Variants in KIRREL3 observed in about 807,000 individuals in gnomAD.
KIRREL3 encodes kin of IRRE-like protein 3.
KIRREL3 carries 36 observed loss-of-function variants against 89.7 expected under a neutral mutation model. The ratio of observed to expected loss-of-function variants is 0.40; its 90% CI spans 0.31 to 0.53. The LOEUF is 0.53. KIRREL3 is among the 20% of genes least tolerant of loss of function. KIRREL3 has a pLI of 0.49. For synonymous variants in KIRREL3, 445 were observed against 441.4 expected, an observed-to-expected ratio of 1.01 and a Z score of -0.10; for missense variants, 864 against 1,056.6, an observed-to-expected ratio of 0.82 and a Z score of 2.53.
chr11:126,437,023 CAG>C lies in KIRREL3; in HGVS notation c.1354-16_1354-15del, dbSNP rs779296981. On this transcript the variant is annotated splice_polypyrimidine_tract_variant and intron_variant, in intron 11 of 16. Coordinates refer to ENST00000525144, the MANE Select transcript of KIRREL3 (RefSeq NM_032531.4). ...CCAGGACCAGGCCTGCCCGGGGGCG[CAG>C]AATCAGGAGGAGACCCCACCAGAGG... 15 of 1,509,642 alleles carry C rather than the reference CAG, an allele frequency of 9.9e-6. No homozygotes were observed. The highest frequency in any genetic ancestry group is 1.3e-5 in the Non-Finnish European group (15 of 1,121,662). 93.5% of individuals were successfully genotyped at this position (1,509,642 alleles called of 1,614,324 possible). A position where few individuals can be genotyped will look rare whatever the true frequency, so the allele number is the denominator to read the frequency against.
rs1958828224 is a variant in KIRREL3, at chr11:126,528,355, C to T, written c.134-1668G>A. Among the ~76,000 whole-genome samples the T allele has an allele frequency of 1.3e-5, 2 of 152,184 alleles. No homozygotes were observed. Among genetic ancestry groups the T allele is most frequent in the Non-Finnish European group, 2.9e-5 (2 of 68,030 alleles). On this transcript the variant is annotated intron_variant, in intron 2 of 16. Transcript: ENST00000525144. This position sits in a 1 kb window ranked among gnomAD's most constrained non-coding sequence, Gnocchi z 4.6. The stretch of plus-strand genomic sequence containing the variant: ...CTGAGCTCTCAGCAACAGATGACCC[C>T]AAGAGGGAGACACTTGGTGTGTATC...
intron 1 of KIRREL3, among the ~76,000 whole-genome samples, chr11:126,975,938 C>CCCTCCCTCCCTCCCTTCCTT (rs767405296): frequency 4.8e-5 from 5 of 104,366 alleles, no homozygotes; most frequent in East Asian, 6.8e-4. Flanking sequence ...CTCCCTCCCT[C>CCCTCCCTCCCTCCCTTCCTT]CCTTCCTTCC....
intron 1 of KIRREL3, among the ~76,000 whole-genome samples, chr11:126,760,924 T>C (rs1019989914): frequency 4.6e-5 from 7 of 152,242 alleles, no homozygotes; most frequent in African/African-American, 1.2e-4. Flanking sequence ...TTACCATTAA[T>C]GGAGGGTAAT....
rs1229029333 is a variant in KIRREL3, at chr11:126,568,204, A to G, written c.56-5292T>C. Among the ~76,000 whole-genome samples the G allele has an allele frequency of 6.6e-6, 1 of 152,044 alleles. No homozygotes were observed. Among genetic ancestry groups the G allele is most frequent in the South Asian group, 2.1e-4 (1 of 4,814 alleles). ...AGGAGTCTGGGCTCTCTCTTAAAGG[A>G]GGTGGGAGCCACGCAGAATGCTAGG... On this transcript the variant is annotated intron_variant, in intron 1 of 16. Coordinates refer to ENST00000525144, the MANE Select transcript of KIRREL3 (RefSeq NM_032531.4). The surrounding 1 kb of genome is among the most constrained non-coding windows in gnomAD (Gnocchi z 4.6).
chr11:126,954,959 ACC>A lies in KIRREL3; in HGVS notation c.55+45494_55+45495del, dbSNP rs1254287344. The stretch of plus-strand genomic sequence containing the variant: ...GCATTCCCTCTCCTTGTCACATCTG[ACC>A]AGTGGTTCATACAGATGTGTTACAC... On this transcript the variant is annotated intron_variant, in intron 1 of 16. Transcript: ENST00000525144. This position sits in a 1 kb window ranked among gnomAD's most constrained non-coding sequence, Gnocchi z 4.1. 6.6e-6 allele frequency among the ~76,000 whole-genome samples: 1 copy of A among 152,056 alleles called. No individual in the cohort carries two copies. The highest frequency in any genetic ancestry group is 2.4e-5 in the African/African-American group (1 of 41,400).
At position 126,999,785 on chromosome 11, in the gene KIRREL3, G is replaced by T. The variant is rs1950270609; in HGVS notation, c.55+670C>A. Among the ~76,000 whole-genome samples the T allele has an allele frequency of 6.6e-6, 1 of 152,164 alleles. No individual in the cohort carries two copies. Among genetic ancestry groups the T allele is most frequent in the South Asian group, 2.1e-4 (1 of 4,826 alleles). ...CCTGCTTCTCTGCCCCTGCTAGGCT[G>T]CAGAAAGGAAACCATCAGCACCACG... is the stretch of plus-strand genomic sequence containing the variant. On this transcript the variant is annotated intron_variant, in intron 1 of 16. Coordinates refer to ENST00000525144, the MANE Select transcript of KIRREL3 (RefSeq NM_032531.4). The surrounding 1 kb of genome is among the most constrained non-coding windows in gnomAD (Gnocchi z 5.7).
chr11:126,861,520 T>G (rs1371578191), intron 1 of KIRREL3, among the ~76,000 whole-genome samples: 2 of 152,122 alleles, frequency 1.3e-5, no homozygotes, highest in African/African-American at 4.8e-5. Flanking sequence ...GCCAGGAGGT[T>G]TGGGAGGTGG....
At chr11:126,456,048 T>TC (rs1956331749) in intron 7 of KIRREL3, among the ~76,000 whole-genome samples, 1 of 122,126 alleles carries the variant, frequency 8.2e-6, no homozygotes, top group Non-Finnish European at 1.7e-5. Context: ...CGTTTTTTTT[T>TC]TTTTTTTTTC....
Position 126,431,050 on chromosome 11 carries a change from G to T in KIRREL3, c.1696+369C>A. The T allele has an allele frequency of 1.6e-6, 2 of 1,253,502 alleles. No homozygotes were observed. Among genetic ancestry groups the T allele is most frequent in the Non-Finnish European group, 2.0e-6 (2 of 998,884 alleles). The allele number at this position is 1,253,502 out of a possible 1,614,324, so 77.6% of individuals were successfully genotyped here. A position where few individuals can be genotyped will look rare whatever the true frequency, so the allele number is the denominator to read the frequency against. Reference sequence around the variant, plus strand: ...AGCAGCTCTTTATTTTTATTTTGTTGTAGAGATGGGGTCTCTCTAGACTAA... The same window carrying T: ...AGCAGCTCTTTATTTTTATTTTGTTTTAGAGATGGGGTCTCTCTAGACTAA... On this transcript the variant is annotated intron_variant, in intron 14 of 16. Transcript: ENST00000525144. This position sits in a 1 kb window ranked among gnomAD's most constrained non-coding sequence, Gnocchi z 7.1.
chr11:126,497,133 A>T (rs1023300163), intron 4 of KIRREL3, among the ~76,000 whole-genome samples: 1 of 143,564 alleles, frequency 7.0e-6, no homozygotes, highest in African/African-American at 2.6e-5. Context: ...TGTGTGTGTG[A>T]CAGAGAGAGA....
chr11:126,978,667 T>A lies in KIRREL3; in HGVS notation c.55+21788A>T, dbSNP rs998507448. Among the ~76,000 whole-genome samples, 1 of 152,116 alleles carries A rather than the reference T, an allele frequency of 6.6e-6. No homozygotes were observed. Among genetic ancestry groups the A allele is most frequent in the Non-Finnish European group, 1.5e-5 (1 of 68,024 alleles). On this transcript the variant is annotated intron_variant, in intron 1 of 16. Coordinates refer to ENST00000525144, the MANE Select transcript of KIRREL3 (RefSeq NM_032531.4). The surrounding 1 kb of genome is among the most constrained non-coding windows in gnomAD (Gnocchi z 4.2). The stretch of plus-strand genomic sequence containing the variant: ...CACCTGCTACTCCCTCTTCTCCTCA[T>A]CCCGCTCTCTGCCCATTTTCTTAGC...
At position 126,497,207 on chromosome 11, in the gene KIRREL3, TGAGTGTGTGAGA is replaced by T. The variant is rs1565500137; in HGVS notation, c.434-23753_434-23742del. ...GTGAGAGTGTGAGTGTGTGTGAGTG[TGAGTGTGTGAGA>T]GTGAGTGTGTGTGAGACAGTGTGAG... On this transcript the variant is annotated intron_variant, in intron 4 of 16. Coordinates refer to ENST00000525144, the MANE Select transcript of KIRREL3 (RefSeq NM_032531.4). Among the ~76,000 whole-genome samples, 176 of 37,300 alleles carry T rather than the reference TGAGTGTGTGAGA, an allele frequency of 4.7e-3. 1 individual carries two copies. Among genetic ancestry groups the T allele is most frequent in the African/African-American group, 0.019 (152 of 7,956 alleles). The allele number at this position is 37,300 out of a possible 152,430, so 24.5% of individuals were successfully genotyped here.
chr11:126,662,625 G>T (rs1278024566), intron 1 of KIRREL3, among the ~76,000 whole-genome samples: 2 of 152,190 alleles, frequency 1.3e-5, no homozygotes, highest in African/African-American at 4.8e-5. Flanking sequence ...GAGGAAGGAA[G>T]TCTCATAGCC....
rs562631062 is a variant in KIRREL3 at position 126,639,225 on chromosome 11, G to T, written c.56-76313C>A. On this transcript the variant is annotated intron_variant, in intron 1 of 16. Coordinates refer to ENST00000525144, the MANE Select transcript of KIRREL3 (RefSeq NM_032531.4). This position sits in a 1 kb window ranked among gnomAD's most constrained non-coding sequence, Gnocchi z 4.3. ...ATGAGATTTGCCTTCAAAGGCCACT[G>T]GCTCTGACCTTTTGATAACATTTTA... Among the ~76,000 whole-genome samples, 1 of 152,234 alleles carries T rather than the reference G, an allele frequency of 6.6e-6. No homozygotes were observed. The highest frequency in any genetic ancestry group is 2.4e-5 in the African/African-American group (1 of 41,544).
intron 2 of KIRREL3, among the ~76,000 whole-genome samples, chr11:126,532,829 T>G (rs1958985519): frequency 6.6e-6 from 1 of 152,126 alleles, no homozygotes; most frequent in South Asian, 2.1e-4. Flanking sequence ...ATAGGAAGAT[T>G]AAAAGAAAGG....
intron 2 of KIRREL3, among the ~76,000 whole-genome samples, chr11:126,532,449 C>T (rs184366028): frequency 4.2e-4 from 64 of 152,266 alleles, no homozygotes; most frequent in South Asian, 8.3e-4. Flanking sequence ...GTTCTCGGCT[C>T]ACTGCAACCT....
rs943023492 is a variant in KIRREL3, at chr11:126,424,398, C to T, written c.*182G>A. 4 of 560,438 alleles carry T rather than the reference C, an allele frequency of 7.1e-6. No homozygotes were observed. In the African/African-American group the frequency reaches 7.6e-5, roughly 11 times the overall value. 34.7% of individuals were successfully genotyped at this position (560,438 alleles called of 1,614,324 possible). A position where few individuals can be genotyped will look rare whatever the true frequency, so the allele number is the denominator to read the frequency against. On this transcript the variant is annotated 3_prime_UTR_variant, in exon 17 of 17. Transcript: ENST00000525144. ...CCACCCGCCCACCTCTGGCACACAG[C>T]ACCTGGGGACCCAGATTTGTGCTTG...
rs538198260 is a variant in KIRREL3, at chr11:126,528,879, C to G, written c.134-2192G>C. Among the ~76,000 whole-genome samples the G allele has an allele frequency of 6.6e-6, 1 of 151,584 alleles. No individual in the cohort carries two copies. The highest frequency in any genetic ancestry group is 1.5e-5 in the Non-Finnish European group (1 of 67,912). ...AGAGGGAGGGGGTGGGTGGAAAGGA[C>G]TCCTTCTCTGGCTCCTTTTACTCTA... On this transcript the variant is annotated intron_variant, in intron 2 of 16. Transcript: ENST00000525144. The surrounding 1 kb of genome is among the most constrained non-coding windows in gnomAD (Gnocchi z 4.6).
Position 126,655,458 on chromosome 11 carries a change from C to A in KIRREL3, c.56-92546G>T, listed in dbSNP as rs190902190. On this transcript the variant is annotated intron_variant, in intron 1 of 16. Coordinates refer to ENST00000525144, the MANE Select transcript of KIRREL3 (RefSeq NM_032531.4). The surrounding 1 kb of genome is among the most constrained non-coding windows in gnomAD (Gnocchi z 5.0). ...TTCTCCTTCACCCCTCCACTCCCCC[C>A]ACAAACAACTGAATTTGGAAGGTTA... Among the ~76,000 whole-genome samples, 9 of 152,138 alleles carry A rather than the reference C, an allele frequency of 5.9e-5. No homozygotes were observed. The highest frequency in any genetic ancestry group is 1.3e-4 in the Admixed American group (2 of 15,268).
Sources: gnomAD v4.1 joint callset for allele counts (sites outside exome capture counted in the v4.1 genomes callset) on GRCh38, gnomAD v4.1.1 for gene constraint, Gnocchi (gnomAD v3.1) non-coding constraint, MANE v1.5 for transcripts, NCBI Gene and HGNC (gene_info 2026-07-23, HGNC 2026-07-21) for gene names.